RTF1: variants seen among roughly 807,000 people sequenced by gnomAD.
The protein encoded by RTF1 is RNA polymerase-associated protein RTF1 homolog.
A neutral mutation model predicts 95.7 loss-of-function variants in RTF1; 10 were observed. The observed-to-expected ratio is 0.10, with a 90% CI of 0.06 to 0.18. RTF1 has a LOEUF of 0.18. Ranked by LOEUF, RTF1 falls within the 10% of genes least tolerant of loss-of-function variation. The pLI, the probability that RTF1 is intolerant of heterozygous loss-of-function variation, is 1.00. For missense variants in RTF1, 458 were observed against 875.6 expected, an observed-to-expected ratio of 0.52 and a Z score of 6.02; for synonymous variants, 305 against 311.8, an observed-to-expected ratio of 0.98 and a Z score of 0.23.
At position 41,434,879 on chromosome 15, in the gene RTF1, G is replaced by A. The variant is rs1391533786; in HGVS notation, c.199-3442G>A. Among the ~76,000 whole-genome samples, 6 of 151,840 alleles carry A rather than the reference G, an allele frequency of 4.0e-5. No homozygotes were observed. In the South Asian group the frequency reaches 6.2e-4, roughly 16 times the overall value. On this transcript the variant is annotated intron_variant, in intron 1 of 17. Coordinates refer to ENST00000389629, the MANE Select transcript of RTF1 (RefSeq NM_015138.5). ...CCTGACCTCGTGATCTGCCCGCCTT[G>A]GCCTCCCAAAGTTCTGGGATTACAG...
intron 1 of RTF1, among the ~76,000 whole-genome samples, chr15:41,422,815 A>G (rs574089953): frequency 6.6e-6 from 1 of 152,236 alleles, no homozygotes; most frequent in South Asian, 2.1e-4. Flanking sequence ...TCGCTCTGTC[A>G]CCCAGGCTGG....
chr15:41,456,656 G>GCT lies in RTF1; in HGVS notation c.458-1016_458-1015insCT, dbSNP rs199505338. 3.8e-4 allele frequency among the ~76,000 whole-genome samples: 58 copies of GCT among 151,586 alleles called. 1 individual carries two copies. In the East Asian group the frequency reaches 0.011, roughly 27 times the overall value. On this transcript the variant is annotated intron_variant, in intron 3 of 17. Coordinates refer to ENST00000389629, the MANE Select transcript of RTF1 (RefSeq NM_015138.5). ...TGCTGAAAATATAAAAATTAGCTGA[G>GCT]TGTAGTGGTGAGCGCCTGAGCTACT...
intron 2 of RTF1, among the ~76,000 whole-genome samples, chr15:41,446,865 C>T (rs1055791206): frequency 2.0e-5 from 3 of 151,126 alleles, no homozygotes; most frequent in East Asian, 2.0e-4. Context: ...TGCAATGGCA[C>T]GATCTTGGCT....
chr15:41,444,915 TTTTTA>T (rs1226233236), intron 2 of RTF1, among the ~76,000 whole-genome samples: 3 of 152,002 alleles, frequency 2.0e-5, no homozygotes, highest in African/African-American at 4.8e-5. Context: ...ATGAGCTTTA[TTTTTA>T]TTTTATTTTA....
rs2050983337 is a variant in RTF1 at position 41,482,597 on chromosome 15, T to C, written c.*1910T>C. Reference sequence around the variant, plus strand: ...AGGAGTATTATGATTGTAAAATTGCTAAATATGACTGTAACACAGCTTTGT... The same window carrying C: ...AGGAGTATTATGATTGTAAAATTGCCAAATATGACTGTAACACAGCTTTGT... On this transcript the variant is annotated 3_prime_UTR_variant, in exon 18 of 18. Coordinates refer to ENST00000389629, the MANE Select transcript of RTF1 (RefSeq NM_015138.5). The C allele has an allele frequency of 6.6e-6, 1 of 152,666 alleles. No individual in the cohort carries two copies. The highest frequency in any genetic ancestry group is 2.4e-5 in the African/African-American group (1 of 41,462). 9.5% of individuals were successfully genotyped at this position (152,666 alleles called of 1,614,324 possible).
intron 6 of RTF1, among the ~76,000 whole-genome samples, chr15:41,467,749 G>A (rs1259019467): frequency 2.0e-5 from 3 of 151,736 alleles, no homozygotes; most frequent in East Asian, 2.0e-4. Flanking sequence ...GTGGGGCTGA[G>A]TGTAGTGGCT....
At chr15:41,465,486 C>G (rs1015325063) in intron 5 of RTF1, among the ~76,000 whole-genome samples, 5 of 152,146 alleles carry the variant, frequency 3.3e-5, no homozygotes, top group African/African-American at 4.8e-5. Flanking sequence ...ACTAAAAATA[C>G]AAAAATTAGC....
chr15:41,425,263 G>A lies in RTF1; in HGVS notation c.198+7950G>A, dbSNP rs1326703228. Among the ~76,000 whole-genome samples, 5 of 152,098 alleles carry A rather than the reference G, an allele frequency of 3.3e-5. No individual in the cohort carries two copies. In the South Asian group the frequency reaches 6.2e-4, roughly 19 times the overall value. On this transcript the variant is annotated intron_variant, in intron 1 of 17. Transcript: ENST00000389629. Reference sequence around the variant, plus strand: ...ACTATAGGCGCCTGCCACTGTGTCCGGCTAATTTTTTTTTTGTATTTTTAG... The same window carrying A: ...ACTATAGGCGCCTGCCACTGTGTCCAGCTAATTTTTTTTTTGTATTTTTAG...
intron 2 of RTF1, 88 bp downstream of exon 2, chr15:41,438,519 T>A (rs2050716544): frequency 1.3e-6 from 1 of 792,696 alleles, no homozygotes; most frequent in Admixed American, 2.7e-5. Context: ...TTTCCTTAAA[T>A]GGAGACTTAC....
intron 4 of RTF1, among the ~76,000 whole-genome samples, chr15:41,460,476 T>C (rs2050842069): frequency 6.6e-6 from 1 of 152,152 alleles, no homozygotes; most frequent in Non-Finnish European, 1.5e-5. Context: ...TTGGAACAAA[T>C]AGGACTTAAT....
chr15:41,419,986 A>AT lies in RTF1; in HGVS notation c.198+2679dup, dbSNP rs575542424. On this transcript the variant is annotated intron_variant, in intron 1 of 17. Coordinates refer to ENST00000389629, the MANE Select transcript of RTF1 (RefSeq NM_015138.5). ...AGGTGCCTGTCACCACACCTGGCTA[A>AT]TTTTTTGTATTTTTAGTGGAGACAG... Among the ~76,000 whole-genome samples the AT allele has an allele frequency of 9.9e-5, 15 of 151,990 alleles. No individual in the cohort carries two copies. The East Asian group carries it at 2.7e-3, about 28-fold the overall frequency.
chr15:41,418,804 AAAG>A (rs1402767559), intron 1 of RTF1, among the ~76,000 whole-genome samples: 1 of 151,526 alleles, frequency 6.6e-6, no homozygotes, highest in Admixed American at 6.6e-5. Context: ...AAAAAAAAGA[AAAG>A]AAAGAAAAAG....
At chr15:41,431,193 T>G in intron 1 of RTF1, among the ~76,000 whole-genome samples, 1 of 144,362 alleles carries the variant, frequency 6.9e-6, no homozygotes, top group Admixed American at 7.0e-5. Flanking sequence ...CGTGAGCCAC[T>G]GCGTCCAGCG....
intron 2 of RTF1, among the ~76,000 whole-genome samples, chr15:41,447,595 G>A (rs2050770106): frequency 6.6e-6 from 1 of 152,150 alleles, no homozygotes; most frequent in Non-Finnish European, 1.5e-5. Context: ...TTTCTTCATT[G>A]CATATTTACA....
Position 41,475,572 on chromosome 15 carries a change from A to G in RTF1, c.1334A>G (p.Gln445Arg), listed in dbSNP as rs1451120579. Residue 445 changes from glutamine (Q) to arginine (R), a missense_variant, in exon 10 of 18, where the codon CAA becomes CGA. Gln to Arg is a conservative substitution (Grantham distance 43, BLOSUM62 1). This residue lies in a region of RTF1 where 150 missense variants were observed against 275.7 expected (regional missense o/e 0.54). Coordinates refer to ENST00000389629, the MANE Select transcript of RTF1 (RefSeq NM_015138.5). The part of the protein sequence containing the change: ...RVFRLEFVSN[Q>R]EFTESEFMKW... Reference sequence around the variant, plus strand: ...TTCCGTTTAGAGTTTGTCTCAAACCAAGAATTCACCGAAAGTGAGTTTATG... The same window carrying G: ...TTCCGTTTAGAGTTTGTCTCAAACCGAGAATTCACCGAAAGTGAGTTTATG... 1.2e-6 allele frequency: 2 copies of G among 1,614,214 alleles called. No individual in the cohort carries two copies. Among genetic ancestry groups the G allele is most frequent in the Non-Finnish European group, 1.7e-6 (2 of 1,180,032 alleles).
At chr15:41,433,445 C>T (rs923933775) in intron 1 of RTF1, among the ~76,000 whole-genome samples, 5 of 151,882 alleles carry the variant, frequency 3.3e-5, no homozygotes, top group Non-Finnish European at 7.4e-5. Flanking sequence ...AGTGATTCTC[C>T]CACCTCAGCC....
At chr15:41,457,262 G>T (rs145116728) in intron 3 of RTF1, among the ~76,000 whole-genome samples, 28 of 152,094 alleles carry the variant, frequency 1.8e-4, no homozygotes, top group African/African-American at 6.5e-4. Context: ...ATAAATAGGC[G>T]CAGTGGCTCA....
intron 1 of RTF1, among the ~76,000 whole-genome samples, chr15:41,423,798 G>A (rs1280492780): frequency 3.3e-5 from 5 of 151,930 alleles, no homozygotes; most frequent in Admixed American, 3.3e-4. Flanking sequence ...TGTTGCCCAG[G>A]CTGGAGTGCA....
chr15:41,419,486 C>CTGTT (rs2050589610), intron 1 of RTF1, among the ~76,000 whole-genome samples: 1 of 152,170 alleles, frequency 6.6e-6, no homozygotes, highest in African/African-American at 2.4e-5. Flanking sequence ...CCAACTCAAT[C>CTGTT]TGTTAGTTTT....
Sources: gnomAD v4.1 joint callset for allele counts (sites outside exome capture counted in the v4.1 genomes callset) on GRCh38, gnomAD v4.1.1 for gene constraint, gnomAD v4.1.1 regional missense constraint, MANE v1.5 for transcripts, NCBI Gene and HGNC (gene_info 2026-07-23, HGNC 2026-07-21) for gene names.